Variants in PACS1 observed in about 807,000 individuals in gnomAD.
PACS1 encodes PACS-1.
In PACS1, 24 loss-of-function variants were observed where a neutral mutation model predicts 115.0. The ratio of observed to expected loss-of-function variants is 0.21; its 90% CI spans 0.15 to 0.29. The LOEUF (loss-of-function observed/expected upper bound fraction) is 0.29. Among genes scored for constraint, PACS1 ranks in the 10% least tolerant of loss-of-function variants. The pLI, the probability that PACS1 is intolerant of heterozygous loss-of-function variation, is 1.00. For missense variants in PACS1, 838 were observed against 1,251.2 expected, an observed-to-expected ratio of 0.67 and a Z score of 4.98; for synonymous variants, 453 against 504.5, an observed-to-expected ratio of 0.90 and a Z score of 1.37.
chr11:66,150,109 T>C lies in PACS1; in HGVS notation c.357-43377T>C, dbSNP rs145078537. The stretch of plus-strand genomic sequence containing the variant: ...CCCACATCCCCTCTCTCTATTCCTA[T>C]CATATAGTGCTTTGCACATAACAGA... On this transcript the variant is annotated intron_variant, in intron 1 of 23. Coordinates refer to ENST00000320580, the MANE Select transcript of PACS1 (RefSeq NM_018026.4). Among the ~76,000 whole-genome samples the C allele has an allele frequency of 5.3e-3, 806 of 152,288 alleles. 5 individuals are homozygous for C. Among genetic ancestry groups the C allele is most frequent in the Admixed American group, 8.6e-3 (132 of 15,288 alleles).
In PACS1 at chr11:66,216,264, G is replaced by T. The variant is rs767352792; in HGVS notation, c.805+1G>T. The stretch of plus-strand genomic sequence containing the variant: ...GAAGGAATCAAATCCAAGCTTTCTG[G>T]TAAGAAGCATGCAGCATCTGGAGAC... On this transcript the variant is annotated splice_donor_variant, in intron 5 of 23. Transcript: ENST00000320580. LOFTEE classifies it high-confidence loss of function. 1 of 1,614,012 alleles carries T rather than the reference G, an allele frequency of 6.2e-7. No homozygotes were observed. Among genetic ancestry groups the T allele is most frequent in the Non-Finnish European group, 8.5e-7 (1 of 1,179,978 alleles).
At chr11:66,145,057 T>G (rs1406498556) in intron 1 of PACS1, among the ~76,000 whole-genome samples, 1 of 152,326 alleles carries the variant, frequency 6.6e-6, no homozygotes, top group Admixed American at 6.5e-5. Context: ...ATCAGAACTT[T>G]AGTAGTTACA....
rs1430254414 is a variant in PACS1, at chr11:66,233,757, C to T, written c.1839-28C>T. ...GGCAGGATCCTGGCACCCCTGAGCA[C>T]TGCTATGACGCTCCCCTTCCTCCCC... On this transcript the variant is annotated intron_variant, in intron 15 of 23. Transcript: ENST00000320580. This position sits in a 1 kb window ranked among gnomAD's most constrained non-coding sequence, Gnocchi z 4.5. The T allele has an allele frequency of 1.6e-5, 26 of 1,605,866 alleles. No homozygotes were observed. The highest frequency in any genetic ancestry group is 2.0e-5 in the Non-Finnish European group (24 of 1,175,898).
Position 66,243,742 on chromosome 11 carries a change from G to A in PACS1, c.*462G>A. ...TGCAGCTGCCAGATCCACTCACTCT[G>A]CTGCCTCCAGCAGGACCCAAGGCCA... On this transcript the variant is annotated 3_prime_UTR_variant, in exon 24 of 24. Coordinates refer to ENST00000320580, the MANE Select transcript of PACS1 (RefSeq NM_018026.4). 1.2e-5 allele frequency: 2 copies of A among 163,526 alleles called. No individual in the cohort carries two copies. The highest frequency in any genetic ancestry group is 1.8e-4 in the East Asian group (1 of 5,638). 10.1% of individuals were successfully genotyped at this position (163,526 alleles called of 1,614,324 possible).
intron 2 of PACS1, among the ~76,000 whole-genome samples, chr11:66,196,787 G>A (rs951273588): frequency 3.9e-5 from 6 of 151,978 alleles, no homozygotes; most frequent in Non-Finnish European, 8.8e-5. Context: ...TAGTAGAGAC[G>A]GGGTTTTACC....
rs914226762 is a variant in PACS1 at position 66,240,469 on chromosome 11, C to T, written c.2430-958C>T. Among the ~76,000 whole-genome samples, 5 of 152,304 alleles carry T rather than the reference C, an allele frequency of 3.3e-5. No individual in the cohort carries two copies. The East Asian group carries it at 7.7e-4, about 24-fold the overall frequency. ...TAGCAACAGCGAGGATGGCATTGGC[C>T]GGTGGCTTCCCCCAAAGTGCTAGTA... On this transcript the variant is annotated intron_variant, in intron 21 of 23. Coordinates refer to ENST00000320580, the MANE Select transcript of PACS1 (RefSeq NM_018026.4).
At chr11:66,187,864 G>GT (rs989661882) in intron 1 of PACS1, among the ~76,000 whole-genome samples, 17 of 152,120 alleles carry the variant, frequency 1.1e-4, no homozygotes. Context: ...TTTATTTGTA[G>GT]TTTTTTGAAG....
intron 1 of PACS1, among the ~76,000 whole-genome samples, chr11:66,073,742 T>C (rs1857351020): frequency 2.0e-5 from 3 of 152,002 alleles, no homozygotes; most frequent in African/African-American, 7.3e-5. Flanking sequence ...TTGATCACAT[T>C]TTTCACCAGC....
At chr11:66,182,623 C>T (rs1349039198) in intron 1 of PACS1, among the ~76,000 whole-genome samples, 5 of 152,082 alleles carry the variant, frequency 3.3e-5, no homozygotes, top group Middle Eastern at 3.4e-3. Context: ...GGCACATGGG[C>T]GCGTGTGCCA....
chr11:66,144,048 G>A (rs992632764), intron 1 of PACS1, among the ~76,000 whole-genome samples: 19 of 152,284 alleles, frequency 1.2e-4, no homozygotes, highest in East Asian at 1.9e-4. Context: ...CAAACTTAAC[G>A]GTGTCAACAT....
chr11:66,102,428 G>A (rs1442654381), intron 1 of PACS1, among the ~76,000 whole-genome samples: 2 of 150,902 alleles, frequency 1.3e-5, no homozygotes, highest in African/African-American at 2.4e-5. Flanking sequence ...AGGTTCAAGC[G>A]AGTCTCCTGT....
intron 1 of PACS1, among the ~76,000 whole-genome samples, chr11:66,115,150 A>G: frequency 6.7e-6 from 1 of 149,238 alleles, no homozygotes; most frequent in South Asian, 2.1e-4. Flanking sequence ...TCAAGGCTGC[A>G]GTGAGCTGTG....
chr11:66,081,319 T>TA lies in PACS1; in HGVS notation c.356+10479dup, dbSNP rs558301154. On this transcript the variant is annotated intron_variant, in intron 1 of 23. Coordinates refer to ENST00000320580, the MANE Select transcript of PACS1 (RefSeq NM_018026.4). ...AATTAAATAAGGTTAATTTTGTTAT[T>TA]AACACATGTTAATCGTGTGTGTGGC... 2.7e-3 allele frequency among the ~76,000 whole-genome samples: 411 copies of TA among 152,312 alleles called. 1 individual carries two copies. Among genetic ancestry groups the TA allele is most frequent in the Non-Finnish European group, 4.9e-3 (335 of 68,018 alleles).
Position 66,143,528 on chromosome 11 carries a change from T to C in PACS1, c.357-49958T>C, listed in dbSNP as rs149660859. ...ACTTCCCATTCGCATCTGCCTGTCA[T>C]GTTCTACCACTAACCCCCAGGAAGA... On this transcript the variant is annotated intron_variant, in intron 1 of 23. Transcript: ENST00000320580. Among the ~76,000 whole-genome samples, 670 of 152,314 alleles carry C rather than the reference T, an allele frequency of 4.4e-3. 2 individuals are homozygous for C. The highest frequency in any genetic ancestry group is 6.6e-3 in the Non-Finnish European group (450 of 68,020).
intron 4 of PACS1, 61 bp from the exon 5 acceptor site, chr11:66,216,058 G>C: frequency 6.4e-7 from 1 of 1,569,490 alleles, no homozygotes; most frequent in Non-Finnish European, 8.7e-7. Flanking sequence ...TGCATTCCTT[G>C]GCTGTGTTTC....
In PACS1 at chr11:66,210,433, A is replaced by G. The variant is rs1254948035; in HGVS notation, c.516A>G (p.Gln172=). The change falls in exon 3 of 24, where the codon CAA becomes CAG. Residue 172 remains glutamine, a synonymous_variant. Coordinates refer to ENST00000320580, the MANE Select transcript of PACS1 (RefSeq NM_018026.4). ...PASGLVETEL[Q]LTFSLQYPHF... ...GTGGACTGGTGGAAACAGAGCTCCA[A>G]TTAACCTTCTCCCTTCAGGTGAGAC... is the stretch of plus-strand genomic sequence containing the variant. The G allele has an allele frequency of 2.5e-6, 4 of 1,612,414 alleles. No homozygotes were observed. Among genetic ancestry groups the G allele is most frequent in the Admixed American group, 1.7e-5 (1 of 60,016 alleles).
intron 1 of PACS1, among the ~76,000 whole-genome samples, chr11:66,160,827 G>C (rs780837820): frequency 1.3e-5 from 2 of 151,942 alleles, no homozygotes; most frequent in Non-Finnish European, 2.9e-5. Context: ...TGACCAAAAA[G>C]CATTTTTTAA....
At chr11:66,242,498 G>A (rs1338724717) in intron 22 of PACS1, among the ~76,000 whole-genome samples, 1 of 152,218 alleles carries the variant, frequency 6.6e-6, no homozygotes, top group East Asian at 1.9e-4. Context: ...GAGTGGGAGT[G>A]GAACAGGGAG....
chr11:66,156,597 G>T (rs1859366785), intron 1 of PACS1, among the ~76,000 whole-genome samples: 1 of 151,916 alleles, frequency 6.6e-6, no homozygotes, highest in African/African-American at 2.4e-5. Context: ...GCTCATGTCT[G>T]TAATCCCAGC....
Sources: gnomAD v4.1 joint callset for allele counts (sites outside exome capture counted in the v4.1 genomes callset) on GRCh38, gnomAD v4.1.1 for gene constraint, Gnocchi (gnomAD v3.1) non-coding constraint, MANE v1.5 for transcripts, NCBI Gene and HGNC (gene_info 2026-07-23, HGNC 2026-07-21) for gene names.